The following DTWD2 variants were observed in gnomAD, a reference collection of about 807,000 sequenced individuals.
DTWD2 encodes the protein tRNA-uridine aminocarboxypropyltransferase 2.
DTWD2 carries 39 observed loss-of-function variants against 31.8 expected under a neutral mutation model. The ratio of observed to expected loss-of-function variants is 1.22; its 90% CI spans 0.95 to 1.60. DTWD2 has a LOEUF of 1.60. Among genes scored for constraint, DTWD2 ranks in the 40% most tolerant of loss-of-function variants. DTWD2 has a pLI of 0.00. For missense variants in DTWD2, 515 were observed against 381.5 expected (o/e 1.35, Z -2.92); for synonymous variants, 180 against 142.8 (o/e 1.26, Z -1.86).
rs1751650205 is a variant in DTWD2 at position 118,839,207 on chromosome 5, GT to G, written c.*1709del. 1 of 151,852 alleles carries G rather than the reference GT, an allele frequency of 6.6e-6. No individual in the cohort carries two copies. The highest frequency in any genetic ancestry group is 1.5e-5 in the Non-Finnish European group (1 of 67,982). 9.4% of individuals were successfully genotyped at this position (151,852 alleles called of 1,614,324 possible). A position where few individuals can be genotyped will look rare whatever the true frequency, so the allele number is the denominator to read the frequency against. ...ATAATGACTAAAAGAAACTCATGAA[GT>G]TTAATATCAATGTGAAAAATTACTA... On this transcript the variant is annotated 3_prime_UTR_variant, in exon 6 of 6. Coordinates refer to ENST00000510708, the MANE Select transcript of DTWD2 (RefSeq NM_173666.4).
At chr5:118,946,508 CA>C (rs1249780386) in intron 1 of DTWD2, among the ~76,000 whole-genome samples, 1 of 152,094 alleles carries the variant, frequency 6.6e-6, no homozygotes, top group Non-Finnish European at 1.5e-5. Flanking sequence ...TTAAGTTAAT[CA>C]AAACCAAAAA....
chr5:118,906,872 AT>A (rs1438683836), intron 4 of DTWD2, among the ~76,000 whole-genome samples: 4 of 152,232 alleles, frequency 2.6e-5, no homozygotes, highest in African/African-American at 7.2e-5. Context: ...TGGAAAAAGA[AT>A]TATTGAGTCC....
intron 3 of DTWD2, among the ~76,000 whole-genome samples, chr5:118,932,292 T>C (rs1753941421): frequency 1.4e-5 from 2 of 142,722 alleles, no homozygotes; most frequent in African/African-American, 5.3e-5. Flanking sequence ...GCCTGAGCAA[T>C]GTAGCAAGAC....
chr5:118,980,634 G>A (rs1232693452), intron 1 of DTWD2, among the ~76,000 whole-genome samples: 2 of 152,100 alleles, frequency 1.3e-5, no homozygotes, highest in African/African-American at 4.8e-5. Flanking sequence ...TCCTAAGATG[G>A]GCATAATAAA....
At chr5:118,975,677 G>T (rs1026153824) in intron 1 of DTWD2, among the ~76,000 whole-genome samples, 1 of 151,938 alleles carries the variant, frequency 6.6e-6, no homozygotes, top group Admixed American at 6.6e-5. Context: ...TCTACCTTTG[G>T]TCTTTGACGC....
intron 3 of DTWD2, among the ~76,000 whole-genome samples, chr5:118,938,251 T>A (rs969981891): frequency 6.6e-6 from 1 of 152,172 alleles, no homozygotes. Flanking sequence ...GGAAGAAATA[T>A]AAATGATCTC....
chr5:118,978,621 G>GA (rs1195157299), intron 1 of DTWD2, among the ~76,000 whole-genome samples: 1 of 151,998 alleles, frequency 6.6e-6, no homozygotes, highest in East Asian at 1.9e-4. Context: ...ACAAACATAA[G>GA]AAAAAAAGCT....
At chr5:118,987,852 C>G (rs1486456436) in intron 1 of DTWD2, among the ~76,000 whole-genome samples, 2 of 152,166 alleles carry the variant, frequency 1.3e-5, no homozygotes, top group African/African-American at 4.8e-5. Context: ...GAATGAACAC[C>G]TGAAAAGGCC....
intron 4 of DTWD2, among the ~76,000 whole-genome samples, chr5:118,871,654 T>C (rs1752507994): frequency 6.6e-6 from 1 of 152,194 alleles, no homozygotes; most frequent in Admixed American, 6.5e-5. Context: ...GCTAAAAATA[T>C]TCAATAATCC....
chr5:118,936,041 T>C (rs1304721995), intron 3 of DTWD2, among the ~76,000 whole-genome samples: 2 of 152,058 alleles, frequency 1.3e-5, no homozygotes, highest in East Asian at 3.9e-4. Flanking sequence ...TCACAGAGTA[T>C]AAACAAATAA....
chr5:118,904,890 G>T (rs888107521), intron 4 of DTWD2, among the ~76,000 whole-genome samples: 7 of 152,082 alleles, frequency 4.6e-5, no homozygotes, highest in African/African-American at 1.7e-4. Flanking sequence ...ACTGAGCCAA[G>T]GAGCTACATT....
chr5:118,963,619 T>C (rs998234034), intron 1 of DTWD2, among the ~76,000 whole-genome samples: 1 of 152,180 alleles, frequency 6.6e-6, no homozygotes, highest in Non-Finnish European at 1.5e-5. Flanking sequence ...TAAAAGGGAA[T>C]TGAACAGATG....
At chr5:118,847,131 C>A (rs1177330080) in intron 5 of DTWD2, among the ~76,000 whole-genome samples, 2 of 152,038 alleles carry the variant, frequency 1.3e-5, no homozygotes, top group Non-Finnish European at 2.9e-5. Context: ...GGATTAATAT[C>A]TTGGTAGCTA....
intron 4 of DTWD2, among the ~76,000 whole-genome samples, chr5:118,901,763 T>C (rs905828636): frequency 2.6e-5 from 4 of 152,134 alleles, no homozygotes; most frequent in East Asian, 3.8e-4. Flanking sequence ...AATTGCTTCA[T>C]TGGGAATTAT....
In DTWD2 at chr5:118,838,131, A is replaced by G. The variant is rs1388290574; in HGVS notation, c.*2786T>C. Reference sequence around the variant, plus strand: ...AAGTTGCCATGCACTGTGACTTACTACTTTGTATAATCTAGTTCTCAACCT... The same window carrying G: ...AAGTTGCCATGCACTGTGACTTACTGCTTTGTATAATCTAGTTCTCAACCT... On this transcript the variant is annotated 3_prime_UTR_variant, in exon 6 of 6. Coordinates refer to ENST00000510708, the MANE Select transcript of DTWD2 (RefSeq NM_173666.4). The G allele has an allele frequency of 1.3e-5, 2 of 152,216 alleles. No homozygotes were observed. The highest frequency in any genetic ancestry group is 2.1e-4 in the South Asian group (1 of 4,834). 9.4% of individuals were successfully genotyped at this position (152,216 alleles called of 1,614,324 possible).
At chr5:118,980,663 T>C (rs937753468) in intron 1 of DTWD2, among the ~76,000 whole-genome samples, 3 of 152,224 alleles carry the variant, frequency 2.0e-5, no homozygotes, top group East Asian at 1.9e-4. Context: ...TAGTAAGTGT[T>C]GGCAGGAATG....
Position 118,973,721 on chromosome 5 carries a change from C to T in DTWD2, c.218+14573G>A. 8.9e-6 allele frequency: 14 copies of T among 1,567,018 alleles called. No homozygotes were observed. In the South Asian group the frequency reaches 1.6e-4, roughly 18 times the overall value. ...CCTCCTCCGCCGCCGCGGACTCCGGCAGCTTTATCGCCAGAGTCCCTGAAC... is the reference window on the plus strand; with the variant it reads ...CCTCCTCCGCCGCCGCGGACTCCGGTAGCTTTATCGCCAGAGTCCCTGAAC... On this transcript the variant is annotated intron_variant, in intron 1 of 5. Transcript: ENST00000510708.
At chr5:118,941,174 T>C (rs1754189130) in intron 2 of DTWD2, among the ~76,000 whole-genome samples, 1 of 151,878 alleles carries the variant, frequency 6.6e-6, no homozygotes, top group East Asian at 1.9e-4. Flanking sequence ...TTTCTTTTTA[T>C]TATATATATA....
intron 1 of DTWD2, among the ~76,000 whole-genome samples, chr5:118,974,823 C>A (rs933329730): frequency 5.3e-5 from 8 of 151,596 alleles, no homozygotes; most frequent in Non-Finnish European, 8.8e-5. Context: ...AAAAAAAATT[C>A]TTTTATTTAA....
Sources: allele counts gnomAD v4.1 joint callset (sites outside exome capture counted in the v4.1 genomes callset), GRCh38; gene constraint gnomAD v4.1.1; transcripts MANE v1.5; gene names NCBI Gene and HGNC (gene_info 2026-07-23, HGNC 2026-07-21).